The following GLIS3 variants were observed in gnomAD, a reference collection of about 807,000 sequenced individuals.
The protein encoded by GLIS3 is GLIS family zinc finger 3.
Under a neutral mutation model 78.6 loss-of-function variants are expected in GLIS3, and 53 were observed. The observed-to-expected ratio is 0.67, with a 90% CI of 0.54 to 0.85. The LOEUF (loss-of-function observed/expected upper bound fraction) is 0.85, where lower values mean the gene tolerates loss of function less well. GLIS3 is among the 40% of genes least tolerant of loss of function. The pLI is 0.00. For synonymous variants in GLIS3, 684 were observed against 509.9 expected, an observed-to-expected ratio of 1.34 and a Z score of -4.60; for missense variants, 1,703 against 1,231.1, an observed-to-expected ratio of 1.38 and a Z score of -5.74.
chr9:4,201,084 C>T (rs1224672703), intron 2 of GLIS3, among the ~76,000 whole-genome samples: 1 of 152,104 alleles, frequency 6.6e-6, no homozygotes, highest in Non-Finnish European at 1.5e-5. Flanking sequence ...AAAACAAAAC[C>T]ACTCGATCAT....
intron 4 of GLIS3, among the ~76,000 whole-genome samples, chr9:3,966,004 C>T (rs1817909822): frequency 6.6e-6 from 1 of 152,188 alleles, no homozygotes; most frequent in African/African-American, 2.4e-5. Flanking sequence ...TTTCAGAATT[C>T]CAGATGCAAT....
intron 8 of GLIS3, among the ~76,000 whole-genome samples, chr9:3,877,980 C>T (rs1243370497): frequency 3.3e-5 from 5 of 152,136 alleles, no homozygotes; most frequent in Non-Finnish European, 5.9e-5. Context: ...TACACAATTC[C>T]CACATAAGCC....
At chr9:4,144,911 CT>C (rs991700608) in intron 2 of GLIS3, 10 of 152,200 alleles carry the variant, frequency 6.6e-5, no homozygotes, top group Admixed American at 1.3e-4. Context: ...ACAAGAGTTA[CT>C]TGTTCTTCAT....
rs117496425 is a variant in GLIS3, at chr9:3,956,960, G to A, written c.1711-19771C>T. Among the ~76,000 whole-genome samples the A allele has an allele frequency of 7.8e-3, 1,191 of 152,244 alleles. 7 individuals carry two copies. Among genetic ancestry groups the A allele is most frequent in the Non-Finnish European group, 0.013 (898 of 68,024 alleles). ...TGATTGAGCCCCCATATCTTCCCTG[G>A]CAAATCGTCTAAGAGCTCCATCCTT... is the stretch of plus-strand genomic sequence containing the variant. On this transcript the variant is annotated intron_variant, in intron 4 of 10. Transcript: ENST00000381971.
chr9:3,854,447 C>A (rs1819625580), intron 9 of GLIS3, among the ~76,000 whole-genome samples: 1 of 152,056 alleles, frequency 6.6e-6, no homozygotes, highest in East Asian at 1.9e-4. Flanking sequence ...GAGCCAGAAC[C>A]AATAGCTCTG....
Position 3,856,131 on chromosome 9 carries a change from G to C in GLIS3, c.2351C>G (p.Ala784Gly), listed in dbSNP as rs766830534. ...PHHISPRRVP[A>G]PSSILQRTQP... is the part of the protein sequence containing the mutation. ...TGTTCTTTGCAGTATTGAAGAAGGA[G>C]CTGGAACTCTCCGGGGGCTGATGTG... The change falls in exon 9 of 11, where the codon GCT (alanine) becomes GGT (glycine). Residue 784 changes from alanine to glycine, a missense_variant. Coordinates refer to ENST00000381971, the MANE Select transcript of GLIS3 (RefSeq NM_001042413.2). 2 of 1,614,180 alleles carry C rather than the reference G, an allele frequency of 1.2e-6. No individual in the cohort carries two copies. Among genetic ancestry groups the C allele is most frequent in the East Asian group, 2.2e-5 (1 of 44,876 alleles).
chr9:4,392,512 T>C, the GLIS3 span, among the ~76,000 whole-genome samples: 2 of 152,134 alleles, frequency 1.3e-5, no homozygotes, highest in African/African-American at 4.8e-5. Context: ...TGTAACCCCT[T>C]CTGGGGAAGG....
chr9:4,143,224 T>C (rs1464611385), intron 2 of GLIS3, among the ~76,000 whole-genome samples: 1 of 151,948 alleles, frequency 6.6e-6, no homozygotes, highest in Non-Finnish European at 1.5e-5. Context: ...TACCTTTGCA[T>C]GTGCGCACGT....
the GLIS3 span, among the ~76,000 whole-genome samples, chr9:4,384,824 G>A: frequency 2.0e-4 from 30 of 152,110 alleles, no homozygotes; most frequent in African/African-American, 6.5e-4. Context: ...CCAGCCCCGT[G>A]TACACATCCA....
the GLIS3 span, among the ~76,000 whole-genome samples, chr9:4,394,804 A>C: frequency 6.6e-6 from 1 of 152,226 alleles, no homozygotes; most frequent in South Asian, 2.1e-4. Context: ...ATAACCTCAT[A>C]AGCTCTCCCT....
intron 2 of GLIS3, among the ~76,000 whole-genome samples, chr9:4,162,673 G>A (rs10974356): frequency 0.12 from 17,759 of 151,614 alleles, 1,655 homozygotes; most frequent in African/African-American, 0.26. Context: ...TGGCTAACAC[G>A]GTGAAATCCC....
At chr9:4,103,415 G>T (rs1454014727) in intron 4 of GLIS3, among the ~76,000 whole-genome samples, 2 of 151,972 alleles carry the variant, frequency 1.3e-5, no homozygotes, top group African/African-American at 2.4e-5. Flanking sequence ...GAGAAGCCCG[G>T]CAACTGAGAA....
the GLIS3 span, among the ~76,000 whole-genome samples, chr9:4,463,367 G>T: frequency 6.6e-6 from 1 of 152,064 alleles, no homozygotes; most frequent in South Asian, 2.1e-4. Flanking sequence ...ACTTTTATTT[G>T]GGACTCTCTC....
At chr9:4,281,724 G>A (rs900128699) in intron 2 of GLIS3, among the ~76,000 whole-genome samples, 1 of 152,166 alleles carries the variant, frequency 6.6e-6, no homozygotes, top group African/African-American at 2.4e-5. Flanking sequence ...GGTGTCAAAA[G>A]TACTTGCTGC....
At chr9:4,233,161 G>A (rs985484423) in intron 2 of GLIS3, among the ~76,000 whole-genome samples, 7 of 152,172 alleles carry the variant, frequency 4.6e-5, no homozygotes, top group Non-Finnish European at 1.5e-5. Flanking sequence ...GGCTGTCTTT[G>A]ATCTTCAAAC....
intron 2 of GLIS3, among the ~76,000 whole-genome samples, chr9:4,345,235 C>G (rs1418582737): frequency 6.6e-6 from 1 of 152,166 alleles, no homozygotes; most frequent in African/African-American, 2.4e-5. Flanking sequence ...CTTCATTCTG[C>G]TCTTCTCAGA....
intron 6 of GLIS3, among the ~76,000 whole-genome samples, chr9:3,923,405 A>G (rs1825020180): frequency 6.6e-6 from 1 of 152,148 alleles, no homozygotes; most frequent in South Asian, 2.1e-4. Context: ...TGAAATATAG[A>G]GCATAGAGAC....
chr9:4,472,317 T>C, the GLIS3 span, among the ~76,000 whole-genome samples: 510 of 152,330 alleles, frequency 3.3e-3, 4 homozygotes, highest in African/African-American at 0.012. Context: ...CATATGTTTA[T>C]TGTGGCACTA....
chr9:4,393,215 T>C, the GLIS3 span, among the ~76,000 whole-genome samples: 1 of 152,228 alleles, frequency 6.6e-6, no homozygotes, highest in Non-Finnish European at 1.5e-5. Flanking sequence ...CATACCTGTA[T>C]GTCTCTCTCT....
Sources: allele counts gnomAD v4.1 joint callset (sites outside exome capture counted in the v4.1 genomes callset), GRCh38; gene constraint gnomAD v4.1.1; transcripts MANE v1.5; gene names NCBI Gene and HGNC (gene_info 2026-07-23, HGNC 2026-07-21).